The following NKAIN3 variants were observed in gnomAD, a reference collection of about 807,000 sequenced individuals.
NKAIN3 encodes the protein sodium/potassium transporting ATPase interacting 3.
A neutral mutation model predicts 30.2 loss-of-function variants in NKAIN3; 25 were observed. That is an observed-to-expected ratio of 0.83 (90% confidence interval 0.60 to 1.16). The LOEUF is 1.16. NKAIN3 is among the 50% of genes most tolerant of loss of function. The pLI, the probability that NKAIN3 is intolerant of heterozygous loss-of-function variation, is 0.00. For synonymous variants in NKAIN3, 91 were observed against 89.6 expected (o/e 1.02, Z -0.09); for missense variants, 225 against 254.1 (o/e 0.89, Z 0.78).
chr8:62,513,332 C>G (rs1266399513), intron 1 of NKAIN3, among the ~76,000 whole-genome samples: 1 of 151,094 alleles, frequency 6.6e-6, no homozygotes, highest in Non-Finnish European at 1.5e-5. Flanking sequence ...GCAAAATAGA[C>G]CCAGTTGCTG....
intron 1 of NKAIN3, among the ~76,000 whole-genome samples, chr8:62,446,895 A>G (rs1180383702): frequency 6.6e-6 from 1 of 152,058 alleles, no homozygotes; most frequent in African/African-American, 2.4e-5. Context: ...CTTTTTGGCT[A>G]TTGTGACTAA....
intron 4 of NKAIN3, among the ~76,000 whole-genome samples, chr8:62,784,129 C>A (rs1817442582): frequency 6.6e-6 from 1 of 151,894 alleles, no homozygotes; most frequent in Admixed American, 6.6e-5. Context: ...ACACAGCTAA[C>A]ACAGTTATGA....
chr8:62,311,637 T>C (rs1814435762), intron 1 of NKAIN3, among the ~76,000 whole-genome samples: 1 of 150,352 alleles, frequency 6.7e-6, no homozygotes, highest in Non-Finnish European at 1.5e-5. Context: ...CTGGATCAAG[T>C]CTGTGTGGGA....
chr8:62,888,326 A>G (rs1821205092), intron 4 of NKAIN3, among the ~76,000 whole-genome samples: 1 of 152,200 alleles, frequency 6.6e-6, no homozygotes, highest in South Asian at 2.1e-4. Flanking sequence ...TGAGGGCACA[A>G]GGGGATTTTT....
chr8:62,585,172 A>G (rs1465400707), intron 2 of NKAIN3, among the ~76,000 whole-genome samples: 1 of 152,132 alleles, frequency 6.6e-6, no homozygotes, highest in Admixed American at 6.6e-5. Context: ...TGCTGCCTGC[A>G]CCTACCATTA....
chr8:62,509,012 T>G (rs1028229273), intron 1 of NKAIN3, among the ~76,000 whole-genome samples: 1 of 152,168 alleles, frequency 6.6e-6, no homozygotes, highest in Non-Finnish European at 1.5e-5. Context: ...TCTGTATATC[T>G]TTAGTGAGAA....
intron 1 of NKAIN3, among the ~76,000 whole-genome samples, chr8:62,297,416 C>G (rs534795621): frequency 9.9e-5 from 15 of 152,146 alleles, no homozygotes; most frequent in Middle Eastern, 3.4e-3. Context: ...TTTTCGCAAC[C>G]TACTCATCTG....
In NKAIN3 at chr8:62,984,216, C is replaced by CA. The variant is rs781534835; in HGVS notation, c.*18810dup. ...GACAGAACTAAAGGGAGTTTGCTCT[C>CA]ACATTCACAATACCAACTCTGCCAT... is the stretch of plus-strand genomic sequence containing the variant. On this transcript the variant is annotated 3_prime_UTR_variant, in exon 7 of 7. Coordinates refer to ENST00000623646, the MANE Select transcript of NKAIN3 (RefSeq NM_001304533.3). 2.0e-5 allele frequency: 3 copies of CA among 152,184 alleles called. No homozygotes were observed. Among genetic ancestry groups the CA allele is most frequent in the Non-Finnish European group, 4.4e-5 (3 of 68,038 alleles). 9.4% of individuals were successfully genotyped at this position (152,184 alleles called of 1,614,324 possible). A position where few individuals can be genotyped will look rare whatever the true frequency, so the allele number is the denominator to read the frequency against.
chr8:62,674,702 G>A (rs903244717), intron 3 of NKAIN3, among the ~76,000 whole-genome samples: 5 of 152,208 alleles, frequency 3.3e-5, no homozygotes, highest in African/African-American at 1.2e-4. Context: ...TGGACAATCA[G>A]GCAGGGATGC....
chr8:62,262,123 A>T (rs911145419), intron 1 of NKAIN3, among the ~76,000 whole-genome samples: 1 of 152,166 alleles, frequency 6.6e-6, no homozygotes. Context: ...ATGAAATGTG[A>T]TTTTAAAAAT....
chr8:62,390,557 C>G (rs1817560189), intron 1 of NKAIN3, among the ~76,000 whole-genome samples: 1 of 152,104 alleles, frequency 6.6e-6, no homozygotes, highest in African/African-American at 2.4e-5. Flanking sequence ...TTGGGTAATA[C>G]CCACTAATGG....
intron 5 of NKAIN3, among the ~76,000 whole-genome samples, chr8:62,932,138 T>C (rs575047871): frequency 1.3e-5 from 2 of 152,308 alleles, no homozygotes; most frequent in East Asian, 3.9e-4. Flanking sequence ...CATTTTTTAG[T>C]CCTTAAAATA....
chr8:62,360,856 C>A (rs1816537355), intron 1 of NKAIN3, among the ~76,000 whole-genome samples: 1 of 152,086 alleles, frequency 6.6e-6, no homozygotes, highest in South Asian at 2.1e-4. Context: ...TTGAATTGAA[C>A]CCTTTCCCAT....
chr8:62,745,745 T>C (rs990280765), intron 3 of NKAIN3, among the ~76,000 whole-genome samples: 1 of 152,216 alleles, frequency 6.6e-6, no homozygotes, highest in Admixed American at 6.5e-5. Flanking sequence ...TTCTTTGTTC[T>C]TGTGATTGAC....
At position 62,271,663 on chromosome 8, in the gene NKAIN3, G is replaced by T. The variant is rs185654992; in HGVS notation, c.54+22536G>T. Among the ~76,000 whole-genome samples, 17 of 152,282 alleles carry T rather than the reference G, an allele frequency of 1.1e-4. No individual in the cohort carries two copies. In the East Asian group the frequency reaches 3.1e-3, roughly 28 times the overall value. ...AGGATATGAAGGGTCTCATTGGTGT[G>T]ATAGCACTAGAGAGGATTTGGGATT... On this transcript the variant is annotated intron_variant, in intron 1 of 6. Transcript: ENST00000623646.
chr8:62,424,414 A>G (rs535374945), intron 1 of NKAIN3, among the ~76,000 whole-genome samples: 46 of 151,352 alleles, frequency 3.0e-4, no homozygotes, highest in Non-Finnish European at 5.2e-4. Flanking sequence ...ATCAGTTAAT[A>G]TAAAAAATCT....
At chr8:62,643,107 C>T (rs558169593) in intron 3 of NKAIN3, among the ~76,000 whole-genome samples, 1 of 152,128 alleles carries the variant, frequency 6.6e-6, no homozygotes, top group East Asian at 1.9e-4. Flanking sequence ...TTTAAGATAA[C>T]TTGGCACCAG....
intron 4 of NKAIN3, among the ~76,000 whole-genome samples, chr8:62,780,309 A>G (rs1817317035): frequency 6.6e-6 from 1 of 152,186 alleles, no homozygotes. Flanking sequence ...AATGTCTCCC[A>G]ACAAAGAAAA....
rs1823778793 is a variant in NKAIN3 at position 62,969,173 on chromosome 8, T to C, written c.*3766T>C. Among the ~76,000 whole-genome samples the C allele has an allele frequency of 6.6e-6, 1 of 152,246 alleles. No homozygotes were observed. Among genetic ancestry groups the C allele is most frequent in the South Asian group, 2.1e-4 (1 of 4,832 alleles). On this transcript the variant is annotated 3_prime_UTR_variant, in exon 7 of 7. Transcript: ENST00000623646. ...GCAAAATATTGACTTCTTTGATTTT[T>C]CCTTCAGAAAAATAAGCCCTGTTAT...
Sources: gnomAD v4.1 joint callset for allele counts (sites outside exome capture counted in the v4.1 genomes callset) on GRCh38, gnomAD v4.1.1 for gene constraint, MANE v1.5 for transcripts, NCBI Gene and HGNC (gene_info 2026-07-23, HGNC 2026-07-21) for gene names.